EXOSC7: variants seen among roughly 807,000 people sequenced by gnomAD.
EXOSC7 encodes the protein exosome component 7.
A neutral mutation model predicts 34.3 loss-of-function variants in EXOSC7; 25 were observed. That is an observed-to-expected ratio of 0.73 (90% CI 0.53 to 1.02). The LOEUF is 1.02. EXOSC7 is among the 50% of genes least tolerant of loss of function. The pLI is 0.00. For synonymous variants in EXOSC7, 130 were observed against 143.0 expected, an observed-to-expected ratio of 0.91 and a Z score of 0.65; for missense variants, 370 against 368.5, an observed-to-expected ratio of 1.00 and a Z score of -0.03.
intron 1 of EXOSC7, among the ~76,000 whole-genome samples, chr3:44,977,970 A>AT (rs765820646): frequency 5.3e-5 from 8 of 152,234 alleles, no homozygotes; most frequent in Non-Finnish European, 1.0e-4. Flanking sequence ...CATGGTCATT[A>AT]GTTAATTTTA....
At chr3:44,998,339 C>T (rs901009024) in intron 4 of EXOSC7, among the ~76,000 whole-genome samples, 6 of 151,608 alleles carry the variant, frequency 4.0e-5, no homozygotes, top group Non-Finnish European at 1.5e-5. Flanking sequence ...CCTGGCCTTA[C>T]GGGGATTACA....
Position 44,997,263 on chromosome 3 carries a change from T to C in EXOSC7, c.420+11T>C. The stretch of plus-strand genomic sequence containing the variant: ...TATGTGGATGTGCTGGTGAGTATCA[T>C]CGTGCTGTACTGGCCACATTCTACC... On this transcript the variant is annotated intron_variant, in intron 4 of 7. Coordinates refer to ENST00000265564, the MANE Select transcript of EXOSC7 (RefSeq NM_015004.4). 3 of 1,613,284 alleles carry C rather than the reference T, an allele frequency of 1.9e-6. No individual in the cohort carries two copies. The highest frequency in any genetic ancestry group is 2.5e-6 in the Non-Finnish European group (3 of 1,179,582).
chr3:45,002,290 A>G (rs772705516), intron 5 of EXOSC7: 1 of 152,186 alleles, frequency 6.6e-6, no homozygotes, highest in Non-Finnish European at 1.5e-5. Context: ...GAGAGAGCCT[A>G]CATTAAGGTA....
chr3:45,007,358 A>G (rs1559752380), intron 6 of EXOSC7, 62 bp from the exon 7 acceptor site: 1 of 1,583,626 alleles, frequency 6.3e-7, no homozygotes, highest in East Asian at 2.2e-5. Flanking sequence ...CCACGAGGCC[A>G]TCAGGGGTGG....
chr3:44,993,596 G>A (rs941887484), intron 3 of EXOSC7, among the ~76,000 whole-genome samples: 1 of 151,982 alleles, frequency 6.6e-6, no homozygotes, highest in Non-Finnish European at 1.5e-5. Context: ...GAGCTGGGAG[G>A]GGTAGCATTC....
intron 1 of EXOSC7, among the ~76,000 whole-genome samples, chr3:44,983,720 C>T (rs1348125967): frequency 2.0e-5 from 3 of 152,186 alleles, no homozygotes; most frequent in African/African-American, 4.8e-5. Flanking sequence ...TTCAGGGTAA[C>T]TCCTATTTAA....
intron 1 of EXOSC7, 51 bp downstream of exon 1, chr3:44,976,385 C>A: frequency 6.7e-7 from 1 of 1,495,814 alleles, no homozygotes; most frequent in Non-Finnish European, 8.9e-7. Flanking sequence ...CCTGGCCCTG[C>A]GGGTCGCGGC....
Position 45,011,448 on chromosome 3 carries a change from A to T in EXOSC7, c.*109A>T, listed in dbSNP as rs563295616. The T allele has an allele frequency of 1.4e-6, 1 of 713,150 alleles. No individual in the cohort carries two copies. 44.2% of individuals were successfully genotyped at this position (713,150 alleles called of 1,614,324 possible). On this transcript the variant is annotated 3_prime_UTR_variant, in exon 8 of 8. Transcript: ENST00000265564. The stretch of plus-strand genomic sequence containing the variant: ...AATTTACAGCAGCATTTGTACATGT[A>T]AAATTAAAGGCTATTTTCTGGTCTG...
chr3:45,006,312 G>A (rs1246072131), intron 6 of EXOSC7, among the ~76,000 whole-genome samples: 4 of 150,564 alleles, frequency 2.7e-5, no homozygotes, highest in Middle Eastern at 3.2e-3. Flanking sequence ...TCCTGACCTC[G>A]GGTGATCTGC....
In EXOSC7 at chr3:44,989,164, G is replaced by A; in HGVS notation, c.82G>A (p.Gly28Ser). Residue 28 changes from glycine to serine, a missense_variant, in exon 2 of 8, where the codon GGC (glycine) becomes AGC (serine). Gly to Ser is a moderately conservative substitution (Grantham distance 56). This residue lies in a region of EXOSC7 where 95 missense variants were observed against 79.8 expected (regional missense o/e 1.19). Coordinates refer to ENST00000265564, the MANE Select transcript of EXOSC7 (RefSeq NM_015004.4). ...VQEDLRVDGRGCEDYRCVEVE... is the reference protein window; with the variant it reads ...VQEDLRVDGRSCEDYRCVEVE... The stretch of plus-strand genomic sequence containing the variant: ...GGAAGACCTCCGTGTGGATGGCCGT[G>A]GCTGTGAGGACTACCGATGTGTCGA... The A allele has an allele frequency of 6.2e-7, 1 of 1,614,126 alleles. No individual in the cohort carries two copies. The highest frequency in any genetic ancestry group is 2.2e-5 in the East Asian group (1 of 44,882).
At chr3:44,989,048 C>A in intron 1 of EXOSC7, 92 bp from the exon 2 acceptor site, 1 of 786,774 alleles carries the variant, frequency 1.3e-6, no homozygotes, top group African/African-American at 1.7e-5. Flanking sequence ...AGATATTCTG[C>A]ATATATCTTC....
At chr3:44,989,273 T>C (rs1445776126) in intron 2 of EXOSC7, 32 bp downstream of exon 2, 2 of 1,506,506 alleles carry the variant, frequency 1.3e-6, no homozygotes, top group Non-Finnish European at 1.8e-6. Flanking sequence ...CAAGCCCAGG[T>C]GGAGAAATGA....
chr3:44,997,058 C>T, intron 3 of EXOSC7, 29 bp from the exon 4 acceptor site: 1 of 1,606,060 alleles, frequency 6.2e-7, no homozygotes, highest in Non-Finnish European at 8.5e-7. Context: ...GAAAGACTCA[C>T]CCAGTTTTTT....
At chr3:44,984,914 C>T (rs923853658) in intron 1 of EXOSC7, among the ~76,000 whole-genome samples, 1 of 152,164 alleles carries the variant, frequency 6.6e-6, no homozygotes, top group Non-Finnish European at 1.5e-5. Flanking sequence ...CCATCTTTTA[C>T]AAATGAGGAA....
At chr3:45,007,386 G>A in intron 6 of EXOSC7, 34 bp from the exon 7 acceptor site, 1 of 1,611,952 alleles carries the variant, frequency 6.2e-7, no homozygotes, top group Non-Finnish European at 8.5e-7. Context: ...GGGCCTGCGT[G>A]ACCCACCGTG....
intron 5 of EXOSC7, among the ~76,000 whole-genome samples, chr3:45,003,923 T>G (rs192761289): frequency 6.6e-6 from 1 of 152,376 alleles, no homozygotes; most frequent in Admixed American, 6.5e-5. Context: ...GCTTGCTTTT[T>G]GCTGTATGGT....
At chr3:45,011,494 T>C, downstream of EXOSC7, 1 of 540,636 alleles carries the variant, frequency 1.8e-6, no homozygotes, top group Non-Finnish European at 3.3e-6. Flanking sequence ...TCTAGAGTTC[T>C]TCAGTTGAAG....
chr3:44,996,002 C>T (rs1271234300), intron 3 of EXOSC7, among the ~76,000 whole-genome samples: 1 of 152,146 alleles, frequency 6.6e-6, no homozygotes, highest in East Asian at 1.9e-4. Flanking sequence ...ACTCCTGTGC[C>T]CCTACTCCCG....
intron 6 of EXOSC7, 120 bp downstream of exon 6, chr3:45,005,534 GC>G: frequency 1.1e-6 from 1 of 935,162 alleles, no homozygotes; most frequent in Non-Finnish European, 1.5e-6. Flanking sequence ...TATAGAAGTA[GC>G]TTTTACCCAA....
Sources: allele counts gnomAD v4.1 joint callset (sites outside exome capture counted in the v4.1 genomes callset), GRCh38; gene constraint gnomAD v4.1.1; regional missense constraint gnomAD v4.1.1; transcripts MANE v1.5; gene names NCBI Gene and HGNC (gene_info 2026-07-23, HGNC 2026-07-21).